The following SVOPL variants were observed in gnomAD, a reference collection of about 807,000 sequenced individuals.
SVOPL encodes putative transporter SVOPL.
In SVOPL, 60 loss-of-function variants were observed where a neutral mutation model predicts 61.0. The ratio of observed to expected loss-of-function variants is 0.98; its 90% CI spans 0.80 to 1.22. SVOPL has a LOEUF of 1.22. SVOPL is among the 50% of genes most tolerant of loss of function. The pLI, the probability that SVOPL is intolerant of heterozygous loss-of-function variation, is 0.00. For missense variants in SVOPL, 662 were observed against 643.9 expected, an observed-to-expected ratio of 1.03 and a Z score of -0.30; for synonymous variants, 279 against 250.0, an observed-to-expected ratio of 1.12 and a Z score of -1.09.
chr7:138,642,450 T>C (rs1232062299), intron 9 of SVOPL, among the ~76,000 whole-genome samples: 1 of 152,046 alleles, frequency 6.6e-6, no homozygotes, highest in Non-Finnish European at 1.5e-5. Flanking sequence ...CATTATCGCA[T>C]AGATTTTTAA....
At chr7:138,635,678 T>G (rs1025601680) in intron 9 of SVOPL, among the ~76,000 whole-genome samples, 3 of 152,126 alleles carry the variant, frequency 2.0e-5, no homozygotes, top group African/African-American at 7.2e-5. Flanking sequence ...GGTGAAGTCT[T>G]GCAGTTAGTT....
chr7:138,643,441 A>G (rs972622199), intron 9 of SVOPL, among the ~76,000 whole-genome samples: 1 of 150,812 alleles, frequency 6.6e-6, no homozygotes, highest in South Asian at 2.1e-4. Context: ...AAAAAAAAAA[A>G]AGAAAGTGAG....
rs554106978 is a variant in SVOPL, at chr7:138,697,740, AAAG to A, written c.-35+3435_-35+3437del. On this transcript the variant is annotated intron_variant, in intron 1 of 15. Coordinates refer to ENST00000674285, the MANE Select transcript of SVOPL (RefSeq NM_001139456.2). ...AGGAAGAGGAAGAGGAGAAGGAAGA[AAAG>A]AAGAAGGAGAAGAAAAAGAAGAAGG... is the stretch of plus-strand genomic sequence containing the variant. Among the ~76,000 whole-genome samples, 213 of 150,988 alleles carry A rather than the reference AAAG, an allele frequency of 1.4e-3. No individual in the cohort carries two copies. The South Asian group carries it at 0.019, about 13-fold the overall frequency.
intron 3 of SVOPL, among the ~76,000 whole-genome samples, chr7:138,673,331 G>A (rs1318546988): frequency 1.3e-5 from 2 of 152,140 alleles, no homozygotes; most frequent in Non-Finnish European, 2.9e-5. Context: ...GCAAGTTTTA[G>A]TTCAACAGGT....
intron 7 of SVOPL, among the ~76,000 whole-genome samples, chr7:138,655,382 G>C (rs1801674495): frequency 6.6e-6 from 1 of 152,094 alleles, no homozygotes; most frequent in African/African-American, 2.4e-5. Flanking sequence ...GTGCACGTCT[G>C]TAATTCCAGC....
intron 6 of SVOPL, 114 bp downstream of exon 6, chr7:138,659,750 G>T: frequency 9.4e-7 from 1 of 1,061,468 alleles, no homozygotes; most frequent in Non-Finnish European, 1.4e-6. Context: ...ACTGAAACCT[G>T]TCTCAGATAT....
At chr7:138,620,125 T>C (rs2353828) in intron 14 of SVOPL, among the ~76,000 whole-genome samples, 1 of 51,582 alleles carries the variant, frequency 1.9e-5, no homozygotes, top group African/African-American at 5.1e-5. Context: ...TTCTGTTTTG[T>C]TTTTTTTTTT....
chr7:138,601,630 G>A (rs1057489932), intron 14 of SVOPL, among the ~76,000 whole-genome samples: 2 of 151,740 alleles, frequency 1.3e-5, no homozygotes, highest in Admixed American at 6.6e-5. Flanking sequence ...AAGATGTAGG[G>A]GAGAAAAAAA....
Position 138,604,502 on chromosome 7 carries a change from C to T in SVOPL, c.1354-7972G>A, listed in dbSNP as rs182508507. Among the ~76,000 whole-genome samples, 20 of 151,738 alleles carry T rather than the reference C, an allele frequency of 1.3e-4. No homozygotes were observed. In the East Asian group the frequency reaches 1.6e-3, roughly 12 times the overall value. Reference sequence around the variant, plus strand: ...CAGCCTGGCTAACATGCCAAAACCCCGTCTCTATTAAAAACACAAAAAAAG... The same window carrying T: ...CAGCCTGGCTAACATGCCAAAACCCTGTCTCTATTAAAAACACAAAAAAAG... On this transcript the variant is annotated intron_variant, in intron 14 of 15. Coordinates refer to ENST00000674285, the MANE Select transcript of SVOPL (RefSeq NM_001139456.2).
intron 4 of SVOPL, chr7:138,663,425 A>G: frequency 2.3e-6 from 3 of 1,313,476 alleles, no homozygotes; most frequent in Non-Finnish European, 2.9e-6. Context: ...GCTCCACTCT[A>G]TTCAGATGTG....
chr7:138,680,135 G>A (rs1202600046), intron 1 of SVOPL, among the ~76,000 whole-genome samples: 1 of 150,206 alleles, frequency 6.7e-6, no homozygotes, highest in Non-Finnish European at 1.5e-5. Context: ...TGCAGATACT[G>A]TATTTCCAGT....
At chr7:138,602,965 G>T (rs552767497) in intron 14 of SVOPL, among the ~76,000 whole-genome samples, 5 of 152,162 alleles carry the variant, frequency 3.3e-5, no homozygotes, top group South Asian at 2.1e-4. Flanking sequence ...TAGATATACA[G>T]ATATTCATGG....
At chr7:138,615,079 G>A (rs112476950) in intron 14 of SVOPL, among the ~76,000 whole-genome samples, 51 of 152,098 alleles carry the variant, frequency 3.4e-4, no homozygotes, top group Non-Finnish European at 5.4e-4. Flanking sequence ...TCCATAGTAG[G>A]TTCCAGCAGT....
intron 4 of SVOPL, among the ~76,000 whole-genome samples, chr7:138,664,815 C>T (rs1212206415): frequency 1.6e-5 from 2 of 128,210 alleles, no homozygotes; most frequent in African/African-American, 6.0e-5. Flanking sequence ...GCCACCCCGG[C>T]GCTCGACCCT....
At chr7:138,648,952 A>T in intron 8 of SVOPL, 60 bp downstream of exon 8, 1 of 1,607,540 alleles carries the variant, frequency 6.2e-7, no homozygotes, top group East Asian at 2.2e-5. Context: ...TTTGTGGGGC[A>T]TGAAGGCCAC....
At chr7:138,611,877 C>G (rs1347364543) in intron 14 of SVOPL, among the ~76,000 whole-genome samples, 13 of 77,614 alleles carry the variant, frequency 1.7e-4, no homozygotes, top group East Asian at 3.6e-4. Flanking sequence ...GCCCGGCCGC[C>G]ACCCCGTCTG....
chr7:138,664,157 G>C (rs1802141749), intron 4 of SVOPL: 17 of 946,512 alleles, frequency 1.8e-5, no homozygotes, highest in Non-Finnish European at 2.1e-5. Context: ...GATCCTCAGT[G>C]GTGCCCCCTT....
intron 3 of SVOPL, among the ~76,000 whole-genome samples, chr7:138,675,625 G>A (rs144448039): frequency 3.5e-4 from 54 of 152,120 alleles, no homozygotes; most frequent in African/African-American, 1.1e-3. Flanking sequence ...CAAAGTGCTG[G>A]GATTACAGGT....
rs547196162 is a variant in SVOPL at position 138,671,147 on chromosome 7, C to G, written c.273+872G>C. Among the ~76,000 whole-genome samples the G allele has an allele frequency of 2.5e-4, 38 of 152,236 alleles. No homozygotes were observed. In the South Asian group the frequency reaches 7.3e-3, roughly 29 times the overall value. On this transcript the variant is annotated intron_variant, in intron 4 of 15. Coordinates refer to ENST00000674285, the MANE Select transcript of SVOPL (RefSeq NM_001139456.2). Reference sequence around the variant, plus strand: ...GTTGGGGAGCAGTGGCTATAGAATGCAATTCATGCTCAGCAGGTGGGGTGC... The same window carrying G: ...GTTGGGGAGCAGTGGCTATAGAATGGAATTCATGCTCAGCAGGTGGGGTGC...
Sources: allele counts gnomAD v4.1 joint callset (sites outside exome capture counted in the v4.1 genomes callset), GRCh38; gene constraint gnomAD v4.1.1; transcripts MANE v1.5; gene names NCBI Gene and HGNC (gene_info 2026-07-23, HGNC 2026-07-21).